Variants in FYN observed in about 807,000 individuals in gnomAD.
The protein encoded by FYN is FYN proto-oncogene, Src family tyrosine kinase.
A neutral mutation model predicts 70.2 loss-of-function variants in FYN; 10 were observed. That is an observed-to-expected ratio of 0.14 (90% CI 0.09 to 0.24). The LOEUF (loss-of-function observed/expected upper bound fraction) is 0.24, where lower values mean the gene tolerates loss of function less well. Among genes scored for constraint, FYN ranks in the 10% least tolerant of loss-of-function variants. FYN has a pLI of 1.00. For synonymous variants in FYN, 236 were observed against 248.6 expected, an observed-to-expected ratio of 0.95 and a Z score of 0.48; for missense variants, 319 against 673.1, an observed-to-expected ratio of 0.47 and a Z score of 5.82.
intron 3 of FYN, among the ~76,000 whole-genome samples, chr6:111,757,061 T>C (rs936355438): frequency 2.0e-5 from 3 of 152,056 alleles, no homozygotes; most frequent in Non-Finnish European, 4.4e-5. Flanking sequence ...GAACAAAAAC[T>C]TGTAATTATT....
At chr6:111,717,496 T>C (rs1233096211) in intron 4 of FYN, among the ~76,000 whole-genome samples, 1 of 152,020 alleles carries the variant, frequency 6.6e-6, no homozygotes, top group Non-Finnish European at 1.5e-5. Context: ...AGATTCACTC[T>C]TGTTGCCCAA....
intron 2 of FYN, among the ~76,000 whole-genome samples, chr6:111,806,162 C>T (rs1445857979): frequency 1.3e-5 from 2 of 152,188 alleles, no homozygotes; most frequent in African/African-American, 2.4e-5. Context: ...CCTGACTGAA[C>T]TTTCTCCTTT....
chr6:111,842,839 G>A (rs1199843928), intron 2 of FYN, among the ~76,000 whole-genome samples: 1 of 152,026 alleles, frequency 6.6e-6, no homozygotes, highest in African/African-American at 2.4e-5. Context: ...TTTCTCTTGG[G>A]ACTTATTAAA....
chr6:111,702,770 T>C (rs1799900025), intron 8 of FYN, 115 bp downstream of exon 8: 4 of 1,010,164 alleles, frequency 4.0e-6, no homozygotes, highest in Non-Finnish European at 4.3e-6. Flanking sequence ...AAAGAAAACA[T>C]ACTCTATAAG....
chr6:111,850,486 G>A (rs369428773), intron 1 of FYN, among the ~76,000 whole-genome samples: 21 of 152,356 alleles, frequency 1.4e-4, no homozygotes, highest in African/African-American at 4.3e-4. Flanking sequence ...GTGGAGTGAT[G>A]TCAGTGGTGA....
chr6:111,781,769 A>C (rs2128507200), intron 2 of FYN, among the ~76,000 whole-genome samples: 1 of 152,278 alleles, frequency 6.6e-6, no homozygotes, highest in African/African-American at 2.4e-5. Context: ...TAATACATGA[A>C]ATGCACAGGA....
chr6:111,867,013 G>A (rs1774126329), intron 1 of FYN, among the ~76,000 whole-genome samples: 3 of 152,184 alleles, frequency 2.0e-5, no homozygotes, highest in Admixed American at 1.3e-4. Context: ...AGCTGGTCTA[G>A]TACTCCGCAG....
chr6:111,748,994 AAT>A (rs1341368362), intron 3 of FYN, among the ~76,000 whole-genome samples: 1 of 152,152 alleles, frequency 6.6e-6, no homozygotes, highest in Non-Finnish European at 1.5e-5. Flanking sequence ...ACTGCACTGC[AAT>A]ATGTTTCCTA....
At chr6:111,804,576 G>A (rs1054447313) in intron 2 of FYN, among the ~76,000 whole-genome samples, 16 of 152,138 alleles carry the variant, frequency 1.1e-4, no homozygotes, top group African/African-American at 3.4e-4. Flanking sequence ...CCTAAATTAC[G>A]TCCAATGCAA....
intron 3 of FYN, among the ~76,000 whole-genome samples, chr6:111,758,515 G>T (rs777899986): frequency 7.2e-5 from 11 of 152,094 alleles, no homozygotes; most frequent in Non-Finnish European, 1.5e-4. Flanking sequence ...ATACATTTTT[G>T]GTGGTCACCA....
intron 2 of FYN, among the ~76,000 whole-genome samples, chr6:111,783,765 T>C (rs913078254): frequency 1.3e-5 from 2 of 152,238 alleles, no homozygotes; most frequent in East Asian, 3.8e-4. Context: ...ACAGTGCTCA[T>C]GGGCACATGG....
At chr6:111,747,868 T>G (rs573592204) in intron 3 of FYN, among the ~76,000 whole-genome samples, 2 of 152,252 alleles carry the variant, frequency 1.3e-5, no homozygotes, top group African/African-American at 4.8e-5. Flanking sequence ...TCATGCTTCA[T>G]TCTTACGAAT....
intron 1 of FYN, among the ~76,000 whole-genome samples, chr6:111,855,725 T>G (rs1773807456): frequency 6.6e-6 from 1 of 152,192 alleles, no homozygotes; most frequent in Non-Finnish European, 1.5e-5. Context: ...GGGTGTATTC[T>G]GTTCCAAACT....
At chr6:111,741,115 A>AG (rs1801942755) in intron 3 of FYN, 1 of 152,148 alleles carries the variant, frequency 6.6e-6, no homozygotes, top group Non-Finnish European at 1.5e-5. Context: ...AAAAAAAAAA[A>AG]GAAAGAAAGG....
chr6:111,837,981 C>G (rs763655375), intron 2 of FYN, among the ~76,000 whole-genome samples: 9 of 152,202 alleles, frequency 5.9e-5, no homozygotes, highest in Admixed American at 1.3e-4. Flanking sequence ...AGTAGTGACA[C>G]ATTTCACAAC....
chr6:111,713,542 A>AC (rs928036048), intron 5 of FYN, among the ~76,000 whole-genome samples: 2 of 148,662 alleles, frequency 1.3e-5, no homozygotes, highest in East Asian at 2.0e-4. Flanking sequence ...GTGGAACCCC[A>AC]CCCCCCCACA....
chr6:111,808,440 C>T (rs1247555399), intron 2 of FYN, among the ~76,000 whole-genome samples: 4 of 152,162 alleles, frequency 2.6e-5, no homozygotes, highest in African/African-American at 9.7e-5. Flanking sequence ...CACGGAAGGG[C>T]TGCCTGACAG....
At chr6:111,782,983 T>C (rs779192579) in intron 2 of FYN, among the ~76,000 whole-genome samples, 110 of 152,288 alleles carry the variant, frequency 7.2e-4, no homozygotes, top group Non-Finnish European at 9.6e-4. Flanking sequence ...ACTACCACAG[T>C]GACTATCTTG....
chr6:111,848,272 T>C (rs1773588013), intron 1 of FYN, among the ~76,000 whole-genome samples: 1 of 152,176 alleles, frequency 6.6e-6, no homozygotes, highest in Non-Finnish European at 1.5e-5. Flanking sequence ...TCATCAGCCT[T>C]AGAAAGAGCA....
Sources: gnomAD v4.1 joint callset for allele counts (sites outside exome capture counted in the v4.1 genomes callset) on GRCh38, gnomAD v4.1.1 for gene constraint, MANE v1.5 for transcripts, NCBI Gene and HGNC (gene_info 2026-07-23, HGNC 2026-07-21) for gene names.